KCNC2: variants seen among roughly 807,000 people sequenced by gnomAD.
KCNC2 encodes potassium voltage-gated channel subfamily C member 2, also known as voltage-gated potassium channel KCNC2.
Under a neutral mutation model 44.5 loss-of-function variants are expected in KCNC2, and 21 were observed. The ratio of observed to expected loss-of-function variants is 0.47; its 90% CI spans 0.33 to 0.68. The LOEUF is 0.68. Among genes scored for constraint, KCNC2 ranks in the 30% least tolerant of loss-of-function variants. KCNC2 has a pLI of 0.01. For synonymous variants in KCNC2, 391 were observed against 339.1 expected (o/e 1.15, Z -1.68); for missense variants, 589 against 826.2 (o/e 0.71, Z 3.52).
intron 2 of KCNC2, among the ~76,000 whole-genome samples, chr12:75,085,164 A>G (rs892914765): frequency 3.3e-5 from 5 of 152,022 alleles, no homozygotes; most frequent in African/African-American, 4.8e-5. Flanking sequence ...CTTGTTACCA[A>G]GAGGTTTAGC....
At position 75,042,254 on chromosome 12, in the gene KCNC2, A is replaced by G; in HGVS notation, c.*851T>C. ...GAACCAAGCAGCAATTTCTGGCTAA[A>G]CAATGCAAGCCTGGCTGGCAGTTAC... On this transcript the variant is annotated 3_prime_UTR_variant, in exon 5 of 5. Transcript: ENST00000549446. 6.3e-7 allele frequency: 1 copy of G among 1,596,580 alleles called. No homozygotes were observed. The highest frequency in any genetic ancestry group is 8.5e-7 in the Non-Finnish European group (1 of 1,173,020).
chr12:75,188,350 G>A (rs928854727), intron 2 of KCNC2, among the ~76,000 whole-genome samples: 14 of 152,094 alleles, frequency 9.2e-5, no homozygotes, highest in African/African-American at 2.2e-4. Context: ...GCTTCTTTCC[G>A]AATTCACTTT....
At chr12:75,136,981 T>C (rs995511103) in intron 2 of KCNC2, among the ~76,000 whole-genome samples, 5 of 152,146 alleles carry the variant, frequency 3.3e-5, no homozygotes, top group African/African-American at 9.6e-5. Context: ...CTTGTCAAAT[T>C]TGCAATTATA....
chr12:75,077,284 C>A (rs1176865080), intron 2 of KCNC2, among the ~76,000 whole-genome samples: 1 of 152,120 alleles, frequency 6.6e-6, no homozygotes, highest in Non-Finnish European at 1.5e-5. Flanking sequence ...AATAAGAATA[C>A]AACCACTTCT....
intron 2 of KCNC2, among the ~76,000 whole-genome samples, chr12:75,162,377 T>C (rs752851176): frequency 6.6e-6 from 1 of 151,796 alleles, no homozygotes; most frequent in Non-Finnish European, 1.5e-5. Context: ...TTCAACCTAA[T>C]CATGACTTCA....
intron 2 of KCNC2, among the ~76,000 whole-genome samples, chr12:75,155,880 T>C (rs1315560685): frequency 6.6e-6 from 1 of 151,816 alleles, no homozygotes; most frequent in Non-Finnish European, 1.5e-5. Flanking sequence ...TTACAGGGGA[T>C]GACAATTTGA....
rs5799200 is a variant in KCNC2 at position 75,075,458 on chromosome 12, CATATATAT to C, written c.688-24149_688-24142del. ...TTCTCAGGAGAGAAATATATATATA[CATATATAT>C]ATATATATATATATATACACATATA... is the stretch of plus-strand genomic sequence containing the variant. On this transcript the variant is annotated intron_variant, in intron 2 of 4. Coordinates refer to ENST00000549446, the MANE Select transcript of KCNC2 (RefSeq NM_139137.4). 6.5e-4 allele frequency among the ~76,000 whole-genome samples: 95 copies of C among 145,536 alleles called. 1 individual carries two copies. The highest frequency in any genetic ancestry group is 8.9e-4 in the Non-Finnish European group (59 of 66,266).
intron 2 of KCNC2, among the ~76,000 whole-genome samples, chr12:75,110,939 A>G (rs948496143): frequency 3.9e-5 from 6 of 152,104 alleles, no homozygotes; most frequent in African/African-American, 1.4e-4. Context: ...ATGCATCTTA[A>G]AAATACGCTT....
chr12:75,086,562 C>A (rs1592840094), intron 2 of KCNC2, among the ~76,000 whole-genome samples: 2 of 150,892 alleles, frequency 1.3e-5, no homozygotes. Flanking sequence ...GTAGTAGACA[C>A]GCTCCATGAG....
At position 75,076,080 on chromosome 12, in the gene KCNC2, C is replaced by CACACAT. The variant is rs1342702498; in HGVS notation, c.688-24764_688-24763insATGTGT. Among the ~76,000 whole-genome samples the CACACAT allele has an allele frequency of 2.7e-5, 4 of 149,398 alleles. No individual in the cohort carries two copies. The South Asian group carries it at 8.6e-4, about 32-fold the overall frequency. On this transcript the variant is annotated intron_variant, in intron 2 of 4. Coordinates refer to ENST00000549446, the MANE Select transcript of KCNC2 (RefSeq NM_139137.4). The stretch of plus-strand genomic sequence containing the variant: ...ACACACACACACACACACACACACA[C>CACACAT]GCTTACAAACAAACCGAAAAGAATA...
rs575302992 is a variant in KCNC2 at position 75,150,203 on chromosome 12, C to A, written c.687+57094G>T. On this transcript the variant is annotated intron_variant, in intron 2 of 4. Transcript: ENST00000549446. ...ACAAAAATTCAGAAACCTATTTATTCTCAATAATTTGGATGACTCATAAAA... is the reference window on the plus strand; with the variant it reads ...ACAAAAATTCAGAAACCTATTTATTATCAATAATTTGGATGACTCATAAAA... Among the ~76,000 whole-genome samples, 6 of 151,982 alleles carry A rather than the reference C, an allele frequency of 3.9e-5. No individual in the cohort carries two copies. In the South Asian group the frequency reaches 1.2e-3, roughly 31 times the overall value.
At chr12:75,071,556 A>C (rs1883402477) in intron 2 of KCNC2, among the ~76,000 whole-genome samples, 1 of 152,152 alleles carries the variant, frequency 6.6e-6, no homozygotes, top group Admixed American at 6.5e-5. Context: ...TTCTACTAAA[A>C]CTGTACCCCA....
chr12:75,098,891 C>T (rs1054664743), intron 2 of KCNC2, among the ~76,000 whole-genome samples: 6 of 152,124 alleles, frequency 3.9e-5, no homozygotes, highest in Admixed American at 2.0e-4. Flanking sequence ...ACCCCTACCA[C>T]GAGAGACCTG....
intron 2 of KCNC2, among the ~76,000 whole-genome samples, chr12:75,145,459 TC>T (rs1472651914): frequency 2.0e-5 from 3 of 146,496 alleles, no homozygotes; most frequent in African/African-American, 7.9e-5. Flanking sequence ...TATTTTCTTT[TC>T]TTTTATTAAA....
intron 2 of KCNC2, among the ~76,000 whole-genome samples, chr12:75,195,958 A>T (rs917488556): frequency 2.0e-5 from 3 of 152,250 alleles, no homozygotes; most frequent in South Asian, 4.1e-4. Flanking sequence ...CAGTACCTCA[A>T]ACAGGACAAA....
intron 2 of KCNC2, among the ~76,000 whole-genome samples, chr12:75,104,444 C>T (rs1398344697): frequency 6.6e-6 from 1 of 151,922 alleles, no homozygotes; most frequent in Non-Finnish European, 1.5e-5. Flanking sequence ...CTGTAACCAC[C>T]GAAAGTGAAG....
At chr12:75,185,814 G>A (rs569809447) in intron 2 of KCNC2, among the ~76,000 whole-genome samples, 1 of 152,182 alleles carries the variant, frequency 6.6e-6, no homozygotes, top group African/African-American at 2.4e-5. Flanking sequence ...GGGTGGCTGA[G>A]GCAGGTGGAT....
chr12:75,055,542 T>C (rs565419378), intron 2 of KCNC2, among the ~76,000 whole-genome samples: 2 of 152,172 alleles, frequency 1.3e-5, no homozygotes, highest in Admixed American at 6.6e-5. Flanking sequence ...TGCTGAATAA[T>C]TGAAATGTTA....
At chr12:75,070,503 G>A (rs916199306) in intron 2 of KCNC2, among the ~76,000 whole-genome samples, 2 of 149,846 alleles carry the variant, frequency 1.3e-5, no homozygotes, top group Admixed American at 1.3e-4. Flanking sequence ...TTAAAAAAAT[G>A]CAAAGGTAAA....
Sources: gnomAD v4.1 joint callset for allele counts (sites outside exome capture counted in the v4.1 genomes callset) on GRCh38, gnomAD v4.1.1 for gene constraint, MANE v1.5 for transcripts, NCBI Gene and HGNC (gene_info 2026-07-23, HGNC 2026-07-21) for gene names.